Variants in ELMOD3 observed in about 807,000 individuals in gnomAD.
The protein encoded by ELMOD3 is ELMO domain-containing protein 3.
Under a neutral mutation model 47.4 loss-of-function variants are expected in ELMOD3, and 36 were observed. The ratio of observed to expected loss-of-function variants is 0.76; its 90% CI spans 0.58 to 1.00. The LOEUF (loss-of-function observed/expected upper bound fraction) is 1.00. Ranked by LOEUF, ELMOD3 falls within the 50% of genes least tolerant of loss-of-function variation. ELMOD3 has a pLI of 0.00. For synonymous variants in ELMOD3, 149 were observed against 183.5 expected, an observed-to-expected ratio of 0.81 and a Z score of 1.52; for missense variants, 404 against 463.8, an observed-to-expected ratio of 0.87 and a Z score of 1.18.
In ELMOD3 at chr2:85,355,234, A is replaced by G. The variant is rs1341263263; in HGVS notation, c.-277+64A>G. ...GTTTTGTCCTGGGGGCCCGCCTGGG[A>G]CGGAGTCCTCTATGGCGGGTCCCTA... On this transcript the variant is annotated intron_variant, in intron 2 of 13. Coordinates refer to ENST00000409013, the MANE Select transcript of ELMOD3 (RefSeq NM_001135022.2). 3.3e-5 allele frequency: 5 copies of G among 152,166 alleles called. No individual in the cohort carries two copies. In the East Asian group the frequency reaches 9.7e-4, roughly 29 times the overall value. The allele number at this position is 152,166 out of a possible 1,614,324, so 9.4% of individuals were successfully genotyped here.
chr2:85,364,582 C>CA (rs754211534), intron 6 of ELMOD3, among the ~76,000 whole-genome samples: 1,382 of 124,718 alleles, frequency 0.011, 8 homozygotes, highest in Non-Finnish European at 0.014. Context: ...GACTCCATCT[C>CA]AAAAAAAAAA....
chr2:85,390,999 A>C lies in ELMOD3; in HGVS notation c.*37A>C. On this transcript the variant is annotated 3_prime_UTR_variant, in exon 14 of 14. Transcript: ENST00000409013. Reference sequence around the variant, plus strand: ...AATGGAGGCTTAAAGGCTGAGCTGCAGGGGCTTTCAGGGGGTCAGTGGAGC... The same window carrying C: ...AATGGAGGCTTAAAGGCTGAGCTGCCGGGGCTTTCAGGGGGTCAGTGGAGC... The C allele has an allele frequency of 2.0e-6, 3 of 1,527,404 alleles. No individual in the cohort carries two copies. Among genetic ancestry groups the C allele is most frequent in the Non-Finnish European group, 2.7e-6 (3 of 1,129,994 alleles). The allele number at this position is 1,527,404 out of a possible 1,614,324, so 94.6% of individuals were successfully genotyped here. A position where few individuals can be genotyped will look rare whatever the true frequency, so the allele number is the denominator to read the frequency against.
chr2:85,354,870 C>T, intron 1 of ELMOD3, 41 bp downstream of exon 1: 1 of 191,258 alleles, frequency 5.2e-6, no homozygotes, highest in Non-Finnish European at 1.1e-5. Flanking sequence ...GTGGTTGGTG[C>T]CTGTGCGGAG....
intron 4 of ELMOD3, among the ~76,000 whole-genome samples, chr2:85,359,943 T>G (rs1166000342): frequency 6.6e-6 from 1 of 151,798 alleles, no homozygotes; most frequent in Non-Finnish European, 1.5e-5. Flanking sequence ...CATGGTGGTG[T>G]GCACCTGTGG....
chr2:85,372,461 G>A (rs1279620576), intron 10 of ELMOD3: 1 of 152,226 alleles, frequency 6.6e-6, no homozygotes, highest in Non-Finnish European at 1.5e-5. Flanking sequence ...CTGGAGTGAT[G>A]TGACAGAATC....
rs773874462 is a variant in ELMOD3, at chr2:85,368,704, T to TA, written c.218_219insA (p.Arg74GlnfsTer21). ...ATTGCAGTTGTGAGTACAGAGGTGG[T>TA]CAGAGCCCAAGAAGAATGGGAAGCT... On this transcript the variant is annotated frameshift_variant, in exon 7 of 14. Coordinates refer to ENST00000409013, the MANE Select transcript of ELMOD3 (RefSeq NM_001135022.2). LOFTEE classifies it high-confidence loss of function. The TA allele has an allele frequency of 5.6e-6, 9 of 1,613,932 alleles. No homozygotes were observed. The Admixed American group carries it at 8.3e-5, about 15-fold the overall frequency.
At chr2:85,383,575 T>G (rs1482354752) in intron 11 of ELMOD3, among the ~76,000 whole-genome samples, 1 of 152,042 alleles carries the variant, frequency 6.6e-6, no homozygotes, top group Non-Finnish European at 1.5e-5. Context: ...CCACCCGCCT[T>G]GGCCTCCCAA....
chr2:85,375,037 C>T (rs147929405), intron 10 of ELMOD3, among the ~76,000 whole-genome samples: 49 of 151,836 alleles, frequency 3.2e-4, no homozygotes, highest in African/African-American at 8.7e-4. Context: ...GAGCCAAGAT[C>T]GTGCCACTGC....
At chr2:85,390,497 G>A (rs1420619572) in intron 13 of ELMOD3, 1 of 1,601,328 alleles carries the variant, frequency 6.2e-7, no homozygotes, top group Non-Finnish European at 8.5e-7. Context: ...CATATATTCT[G>A]ATCAAAAATT....
intron 6 of ELMOD3, chr2:85,368,412 A>G (rs1326679137): frequency 9.2e-6 from 4 of 435,720 alleles, no homozygotes; most frequent in Non-Finnish European, 1.7e-5. Flanking sequence ...TTCAGCATCA[A>G]TATGGGGACC....
rs138383087 is a variant in ELMOD3, at chr2:85,386,977, G to C, written c.739-2774G>C. ...AGATCGTGCCATTGCACTCCAGCCTGAGCAACAAGAGCGAAACTCCGTCTC... is the reference window on the plus strand; with the variant it reads ...AGATCGTGCCATTGCACTCCAGCCTCAGCAACAAGAGCGAAACTCCGTCTC... On this transcript the variant is annotated intron_variant, in intron 11 of 13. Coordinates refer to ENST00000409013, the MANE Select transcript of ELMOD3 (RefSeq NM_001135022.2). The C allele has an allele frequency of 4.4e-3, 5,219 of 1,181,230 alleles. 163 individuals carry two copies. In the African/African-American group the frequency reaches 0.074, roughly 17 times the overall value. The allele number at this position is 1,181,230 out of a possible 1,614,324, so 73.2% of individuals were successfully genotyped here. A position where few individuals can be genotyped will look rare whatever the true frequency, so the allele number is the denominator to read the frequency against.
Position 85,354,794 on chromosome 2 carries a change from CG to C in ELMOD3, c.-405del, listed in dbSNP as rs1244054940. 2.2e-5 allele frequency: 7 copies of C among 314,570 alleles called. No individual in the cohort carries two copies. The highest frequency in any genetic ancestry group is 1.1e-4 in the African/African-American group (5 of 46,032). The allele number at this position is 314,570 out of a possible 1,614,324, so 19.5% of individuals were successfully genotyped here. A position where few individuals can be genotyped will look rare whatever the true frequency, so the allele number is the denominator to read the frequency against. On this transcript the variant is annotated 5_prime_UTR_variant, in exon 1 of 14. It removes the in-frame stop codon of an upstream open reading frame in the 5' UTR. Coordinates refer to ENST00000409013, the MANE Select transcript of ELMOD3 (RefSeq NM_001135022.2). Reference sequence around the variant, plus strand: ...ATGAGCAGATGAGGCCTAGCCGAGGCGGCGGGACCCCCAAGTTTGGAAAGCT... The same window carrying C: ...ATGAGCAGATGAGGCCTAGCCGAGGCGCGGGACCCCCAAGTTTGGAAAGCT...
Position 85,371,577 on chromosome 2 carries a change from T to C in ELMOD3, c.607+15T>C. The stretch of plus-strand genomic sequence containing the variant: ...GGGCTTTCAGGGTAAGAGGGAGGAG[T>C]AGCTCATCTTCTTTTTCATGCCTCT... On this transcript the variant is annotated intron_variant, in intron 10 of 13. Coordinates refer to ENST00000409013, the MANE Select transcript of ELMOD3 (RefSeq NM_001135022.2). 6.2e-7 allele frequency: 1 copy of C among 1,612,918 alleles called. No homozygotes were observed.
At chr2:85,377,513 C>G (rs201361171) in intron 11 of ELMOD3, 39 bp downstream of exon 11, 26 of 1,582,640 alleles carry the variant, frequency 1.6e-5, no homozygotes, top group Non-Finnish European at 2.1e-5. Context: ...AGGAAAGGGC[C>G]GTGGAGCTAG....
At chr2:85,356,323 A>G (rs4832172) in intron 3 of ELMOD3, 2 of 152,296 alleles carry the variant, frequency 1.3e-5, no homozygotes, top group Admixed American at 6.5e-5. Context: ...GTGAGGCCTA[A>G]ACAAAGCCTG....
intron 11 of ELMOD3, among the ~76,000 whole-genome samples, chr2:85,383,305 T>A (rs1024313198): frequency 2.6e-5 from 4 of 151,538 alleles, no homozygotes; most frequent in Non-Finnish European, 5.9e-5. Flanking sequence ...ACTTTTGTAT[T>A]TTTAGTAGAG....
intron 11 of ELMOD3, among the ~76,000 whole-genome samples, chr2:85,380,564 G>A (rs779577002): frequency 1.8e-4 from 25 of 137,590 alleles, no homozygotes; most frequent in Non-Finnish European, 1.4e-4. Context: ...TTGCTCTGTC[G>A]CGCAGGGTGA....
In ELMOD3 at chr2:85,371,472, C is replaced by T. The variant is rs575583374; in HGVS notation, c.517C>T (p.Arg173Ter). The T allele has an allele frequency of 4.3e-6, 7 of 1,614,060 alleles. No individual in the cohort carries two copies. The highest frequency in any genetic ancestry group is 4.5e-5 in the East Asian group (2 of 44,894). Residue 173 changes from arginine (R) to a stop codon, truncating the protein, a stop_gained, in exon 10 of 14, where the codon CGA becomes TGA. Transcript: ENST00000409013. LOFTEE classifies it high-confidence loss of function. ...GLDSQDPVHG[R>*]VLQTIYKKLT... is the part of the protein sequence containing the mutation. ...GGATAGCCAAGACCCAGTGCATGGC[C>T]GAGTCCTCCAGACCATCTATAAGAA...
intron 11 of ELMOD3, among the ~76,000 whole-genome samples, chr2:85,386,749 A>C (rs1375599729): frequency 6.6e-6 from 1 of 152,110 alleles, no homozygotes; most frequent in Non-Finnish European, 1.5e-5. Context: ...TAATCCCAGC[A>C]CTTTGGAAGG....
Sources: allele counts gnomAD v4.1 joint callset (sites outside exome capture counted in the v4.1 genomes callset), GRCh38; gene constraint gnomAD v4.1.1; transcripts MANE v1.5; gene names NCBI Gene and HGNC (gene_info 2026-07-23, HGNC 2026-07-21).